The following COX10 variants were observed in gnomAD, a reference collection of about 807,000 sequenced individuals.
The protein encoded by COX10 is cytochrome c oxidase assembly factor heme A:farnesyltransferase COX10, also known as protoheme IX farnesyltransferase, mitochondrial.
In COX10, 27 loss-of-function variants were observed where a neutral mutation model predicts 37.3. That is an observed-to-expected ratio of 0.72 (90% CI 0.53 to 1.00). The LOEUF is 1.00. Ranked by LOEUF, COX10 falls within the 50% of genes least tolerant of loss-of-function variation. The pLI, the probability that COX10 is intolerant of heterozygous loss-of-function variation, is 0.00. For synonymous variants in COX10, 222 were observed against 229.1 expected (o/e 0.97, Z 0.28); for missense variants, 475 against 563.2 (o/e 0.84, Z 1.59).
intron 5 of COX10, among the ~76,000 whole-genome samples, chr17:14,175,417 ACTT>A (rs1464501309): frequency 2.6e-5 from 4 of 151,434 alleles, no homozygotes; most frequent in Non-Finnish European, 1.5e-5. Flanking sequence ...ATATTACTAA[ACTT>A]CTCTGAGGCT....
At chr17:14,191,861 G>C (rs1906211019) in intron 5 of COX10, 128 bp from the exon 6 acceptor site, 1 of 918,586 alleles carries the variant, frequency 1.1e-6, no homozygotes, top group Non-Finnish European at 1.7e-6. Flanking sequence ...CCATATCCAG[G>C]AATCAGCCAG....
At chr17:14,180,025 A>G (rs1354095468) in intron 5 of COX10, among the ~76,000 whole-genome samples, 2 of 152,240 alleles carry the variant, frequency 1.3e-5, no homozygotes, top group East Asian at 3.9e-4. Context: ...TAGCTTAAGT[A>G]TTATAGGGCT....
chr17:14,128,202 A>G (rs1239064816), intron 4 of COX10, among the ~76,000 whole-genome samples: 1 of 152,140 alleles, frequency 6.6e-6, no homozygotes, highest in African/African-American at 2.4e-5. Context: ...AAAGGATTAT[A>G]TAATTATTTC....
intron 5 of COX10, among the ~76,000 whole-genome samples, chr17:14,176,234 C>T (rs546030773): frequency 2.3e-3 from 344 of 151,996 alleles, no homozygotes; most frequent in African/African-American, 8.1e-3. Flanking sequence ...CTATGTGTAT[C>T]TTCACCTTTG....
chr17:14,079,858 ATGTATGTATG>A (rs938491428), intron 3 of COX10, among the ~76,000 whole-genome samples: 13 of 46,202 alleles, frequency 2.8e-4, no homozygotes, highest in African/African-American at 1.3e-3. Flanking sequence ...ATATATATAT[ATGTATGTATG>A]TATGTATGTA....
At chr17:14,114,709 G>A (rs1916073952) in intron 4 of COX10, among the ~76,000 whole-genome samples, 1 of 152,028 alleles carries the variant, frequency 6.6e-6, no homozygotes, top group Non-Finnish European at 1.5e-5. Context: ...AGAACTCTTA[G>A]TTGTTAGATA....
At chr17:14,093,405 T>TA (rs1467238416) in intron 3 of COX10, among the ~76,000 whole-genome samples, 1 of 152,180 alleles carries the variant, frequency 6.6e-6, no homozygotes, top group East Asian at 1.9e-4. Context: ...TGCTTATGCT[T>TA]AGAGACCAAT....
rs1915799391 is a variant in COX10 at position 14,102,223 on chromosome 17, C to G, written c.605C>G (p.Ala202Gly). The change falls in exon 4 of 7, where the codon GCT (alanine) becomes GGT (glycine). Residue 202 changes from alanine (A) to glycine (G), a missense_variant. Around this residue, in one of 5 missense-constraint regions of COX10, gnomAD observed 242 missense variants for 242.5 expected, o/e 1.00. Transcript: ENST00000261643. ...GTTGGGACAGGCCTTGCATCCTGTGCTGCCAACTCCATCAATCAGGTCAGT... is the reference window on the plus strand; with the variant it reads ...GTTGGGACAGGCCTTGCATCCTGTGGTGCCAACTCCATCAATCAGGTCAGT... The part of the protein sequence containing the change: ...TSVGTGLASC[A>G]ANSINQFFEV... The G allele has an allele frequency of 6.2e-7, 1 of 1,613,710 alleles. No homozygotes were observed. Among genetic ancestry groups the G allele is most frequent in the Non-Finnish European group, 8.5e-7 (1 of 1,179,724 alleles).
chr17:14,106,704 T>C (rs1430381166), intron 4 of COX10, among the ~76,000 whole-genome samples: 1 of 152,152 alleles, frequency 6.6e-6, no homozygotes, highest in Non-Finnish European at 1.5e-5. Context: ...AAATGTTCTT[T>C]TAATTCAAGT....
chr17:14,084,041 A>T (rs893489949), intron 3 of COX10, among the ~76,000 whole-genome samples: 1 of 152,184 alleles, frequency 6.6e-6, no homozygotes, highest in African/African-American at 2.4e-5. Context: ...TCAATGTATA[A>T]ATTTTTTTCT....
chr17:14,207,328 C>A lies in COX10; in HGVS notation c.*115C>A. ...TTTAGAACAAGATTATAAACGAATT[C>A]GGTGCTCAGTGATCACTTGACAGTT... On this transcript the variant is annotated 3_prime_UTR_variant, in exon 7 of 7. Transcript: ENST00000261643. 1 of 1,314,896 alleles carries A rather than the reference C, an allele frequency of 7.6e-7. No individual in the cohort carries two copies. Among genetic ancestry groups the A allele is most frequent in the Non-Finnish European group, 1.0e-6 (1 of 997,264 alleles). The allele number at this position is 1,314,896 out of a possible 1,614,324, so 81.5% of individuals were successfully genotyped here. A position where few individuals can be genotyped will look rare whatever the true frequency, so the allele number is the denominator to read the frequency against.
intron 4 of COX10, among the ~76,000 whole-genome samples, chr17:14,149,174 T>C (rs1946467785): frequency 6.6e-6 from 1 of 151,802 alleles, no homozygotes; most frequent in Non-Finnish European, 1.5e-5. Flanking sequence ...GAAAGATCCA[T>C]TTACTACTCT....
At chr17:14,161,460 G>A (rs188391669) in intron 5 of COX10, among the ~76,000 whole-genome samples, 1 of 152,174 alleles carries the variant, frequency 6.6e-6, no homozygotes, top group African/African-American at 2.4e-5. Flanking sequence ...TGAACTTGTG[G>A]ACTTAATTAT....
At chr17:14,112,474 A>G (rs1916024117) in intron 4 of COX10, among the ~76,000 whole-genome samples, 1 of 152,178 alleles carries the variant, frequency 6.6e-6, no homozygotes, top group South Asian at 2.1e-4. Context: ...ATCCATGTAT[A>G]TGTATTGATT....
At position 14,206,901 on chromosome 17, in the gene COX10, C is replaced by T. The variant is rs748558886; in HGVS notation, c.1020C>T (p.Gly340=). Residue 340 remains glycine, a synonymous_variant, in exon 7 of 7, where the codon GGC becomes GGT. Transcript: ENST00000261643. ...SWGLREDYSR[G]GYCMMSVTHP... is the part of the protein sequence containing the mutation. ...GCCTCCGTGAAGACTACTCCCGGGG[C>T]GGCTACTGCATGATGTCGGTCACCC... 13 of 1,613,768 alleles carry T rather than the reference C, an allele frequency of 8.1e-6. No homozygotes were observed. Among genetic ancestry groups the T allele is most frequent in the African/African-American group, 1.3e-5 (1 of 74,948 alleles).
chr17:14,187,114 A>G (rs939990124), intron 5 of COX10, among the ~76,000 whole-genome samples: 5 of 152,036 alleles, frequency 3.3e-5, no homozygotes, highest in Admixed American at 2.6e-4. Context: ...GTGCTCTCAT[A>G]TAGTGCTGGT....
At chr17:14,113,457 A>G (rs1916048843) in intron 4 of COX10, among the ~76,000 whole-genome samples, 1 of 152,168 alleles carries the variant, frequency 6.6e-6, no homozygotes, top group African/African-American at 2.4e-5. Flanking sequence ...ATGATGATGA[A>G]AAAGAGCTTT....
At chr17:14,177,231 T>G (rs1597538036) in intron 5 of COX10, 1 of 732,184 alleles carries the variant, frequency 1.4e-6, no homozygotes, top group Middle Eastern at 2.3e-4. Flanking sequence ...CTGGCACTGG[T>G]GCAAGGCAGA....
intron 3 of COX10, among the ~76,000 whole-genome samples, chr17:14,091,387 C>T (rs918987048): frequency 1.3e-5 from 2 of 152,190 alleles, no homozygotes; most frequent in African/African-American, 2.4e-5. Flanking sequence ...GGAACAGCAA[C>T]ACCAATAAGG....
Sources: allele counts gnomAD v4.1 joint callset (sites outside exome capture counted in the v4.1 genomes callset), GRCh38; gene constraint gnomAD v4.1.1; regional missense constraint gnomAD v4.1.1; transcripts MANE v1.5; gene names NCBI Gene and HGNC (gene_info 2026-07-23, HGNC 2026-07-21).